ZNF609: variants seen among roughly 807,000 people sequenced by gnomAD.
The protein encoded by ZNF609 is zinc finger protein 609.
ZNF609 carries 11 observed loss-of-function variants against 109.5 expected under a neutral mutation model. That is an observed-to-expected ratio of 0.10 (90% CI 0.06 to 0.17). ZNF609 has a LOEUF of 0.17. ZNF609 is among the 10% of genes least tolerant of loss of function. The probability of loss-of-function intolerance (pLI) is 1.00; values close to 1 mark genes in which losing one functional copy is unlikely to be tolerated. For synonymous variants in ZNF609, 646 were observed against 662.0 expected, an observed-to-expected ratio of 0.98 and a Z score of 0.37; for missense variants, 1,559 against 1,772.4, an observed-to-expected ratio of 0.88 and a Z score of 2.16.
chr15:64,627,583 G>A (rs550776117), intron 3 of ZNF609, among the ~76,000 whole-genome samples: 96 of 151,704 alleles, frequency 6.3e-4, no homozygotes, highest in African/African-American at 2.2e-3. Flanking sequence ...TAATTTTCTG[G>A]GCCTTAGTTA....
At chr15:64,464,827 G>T (rs1289854588) in intron 1 of ZNF609, among the ~76,000 whole-genome samples, 1 of 152,206 alleles carries the variant, frequency 6.6e-6, no homozygotes, top group African/African-American at 2.4e-5. Flanking sequence ...CTGTGTAGCT[G>T]AAGAGGGATT....
chr15:64,633,972 T>G (rs964087855), intron 3 of ZNF609, among the ~76,000 whole-genome samples: 2 of 152,212 alleles, frequency 1.3e-5, no homozygotes, highest in African/African-American at 4.8e-5. Context: ...ATGTTTAATT[T>G]TATTTAATTT....
rs917760997 is a variant in ZNF609 at position 64,540,554 on chromosome 15, G to A, written c.747+40388G>A. Among the ~76,000 whole-genome samples the A allele has an allele frequency of 4.0e-5, 6 of 151,882 alleles. No individual in the cohort carries two copies. In the East Asian group the frequency reaches 1.2e-3, roughly 30 times the overall value. On this transcript the variant is annotated intron_variant, in intron 2 of 9. Transcript: ENST00000326648. Reference sequence around the variant, plus strand: ...CAAGTAGCTGGGACTACAGGTGCGTGCCACTGTGCCCAGCTAATTTTTGTA... The same window carrying A: ...CAAGTAGCTGGGACTACAGGTGCGTACCACTGTGCCCAGCTAATTTTTGTA...
At chr15:64,566,331 A>G (rs1595720622) in intron 2 of ZNF609, among the ~76,000 whole-genome samples, 1 of 152,216 alleles carries the variant, frequency 6.6e-6, no homozygotes, top group African/African-American at 2.4e-5. Flanking sequence ...CCTTGTCTCT[A>G]AAATGAATGA....
At position 64,500,127 on chromosome 15, in the gene ZNF609, G is replaced by A. The variant is rs1355511942; in HGVS notation, c.708G>A (p.Glu236=). The change falls in exon 2 of 10, where the codon GAG becomes GAA. Residue 236 remains glutamate (E), a synonymous_variant. Transcript: ENST00000326648. ...CTAAACCGGAGCCAGAGGAAGGGGA[G>A]AATGAGTGTCGCCTGCTAAAGAAAG... is the stretch of plus-strand genomic sequence containing the variant. ...LGTKPEPEEG[E]NECRLLKKVK... The A allele has an allele frequency of 1.2e-6, 2 of 1,613,906 alleles. No individual in the cohort carries two copies. The highest frequency in any genetic ancestry group is 3.3e-5 in the Admixed American group (2 of 60,008).
chr15:64,467,991 G>A (rs956106048), intron 1 of ZNF609, among the ~76,000 whole-genome samples: 12 of 150,180 alleles, frequency 8.0e-5, no homozygotes, highest in African/African-American at 2.9e-4. Flanking sequence ...AGAGTGTTAT[G>A]TTTTCTTTAC....
intron 2 of ZNF609, among the ~76,000 whole-genome samples, chr15:64,612,627 C>CTTTTTTTTTTTTTTTTTATTTTTTTTT (rs1895735400): frequency 7.6e-6 from 1 of 132,278 alleles, no homozygotes; most frequent in Non-Finnish European, 1.6e-5. Flanking sequence ...CCAGGAGCCT[C>CTTTTTTTTTTTTTTTTTATTTTTTTTT]TTTTTTTTTT....
intron 3 of ZNF609, among the ~76,000 whole-genome samples, chr15:64,628,572 G>C (rs1387712048): frequency 1.3e-5 from 2 of 152,112 alleles, no homozygotes; most frequent in Non-Finnish European, 2.9e-5. Flanking sequence ...CCAGGAGGCA[G>C]AGGTTGCAAT....
chr15:64,663,400 A>T (rs1896606672), intron 3 of ZNF609, among the ~76,000 whole-genome samples: 1 of 152,132 alleles, frequency 6.6e-6, no homozygotes, highest in African/African-American at 2.4e-5. Flanking sequence ...ATTCAGAGCA[A>T]GTTGTTTTTG....
chr15:64,557,748 G>C (rs1053044757), intron 2 of ZNF609, among the ~76,000 whole-genome samples: 1 of 152,176 alleles, frequency 6.6e-6, no homozygotes, highest in Non-Finnish European at 1.5e-5. Context: ...CCAGGCTGGA[G>C]TGCAGTGGCG....
At chr15:64,672,488 G>A (rs1253913367) in intron 4 of ZNF609, among the ~76,000 whole-genome samples, 47 of 150,612 alleles carry the variant, frequency 3.1e-4, no homozygotes, top group African/African-American at 1.1e-3. Context: ...AGCTGGGCAT[G>A]GTGGCTCATG....
At chr15:64,590,715 G>C (rs1895278959) in intron 2 of ZNF609, among the ~76,000 whole-genome samples, 1 of 151,680 alleles carries the variant, frequency 6.6e-6, no homozygotes, top group African/African-American at 2.4e-5. Flanking sequence ...TGGGTTTAGA[G>C]TAGTCATGTA....
At position 64,675,012 on chromosome 15, in the gene ZNF609, G is replaced by C; in HGVS notation, c.2158G>C (p.Ala720Pro). The change falls in exon 5 of 10, where the codon GCC becomes CCC. Residue 720 changes from alanine to proline, a missense_variant. Around this residue, in one of 4 missense-constraint regions of ZNF609, gnomAD observed 1,204 missense variants for 1,314.1 expected, o/e 0.92. Coordinates refer to ENST00000326648, the MANE Select transcript of ZNF609 (RefSeq NM_015042.2). Reference protein sequence around the residue: ...VMGEPFTVNPALTPAKDKKKK... With the variant: ...VMGEPFTVNPPLTPAKDKKKK... Reference sequence around the variant, plus strand: ...GGGAGAACCTTTCACAGTCAACCCTGCCTTGACTCCAGCCAAGGACAAGAA... The same window carrying C: ...GGGAGAACCTTTCACAGTCAACCCTCCCTTGACTCCAGCCAAGGACAAGAA... 2 of 1,613,950 alleles carry C rather than the reference G, an allele frequency of 1.2e-6. No homozygotes were observed. The highest frequency in any genetic ancestry group is 2.2e-5 in the East Asian group (1 of 44,882).
chr15:64,625,836 C>T (rs1490981026), intron 3 of ZNF609, among the ~76,000 whole-genome samples: 2 of 134,218 alleles, frequency 1.5e-5, no homozygotes, highest in African/African-American at 2.8e-5. Context: ...TTGAAGTGAG[C>T]CAAGATTGCA....
At chr15:64,645,533 T>A (rs1201502276) in intron 3 of ZNF609, among the ~76,000 whole-genome samples, 3 of 152,146 alleles carry the variant, frequency 2.0e-5, no homozygotes, top group Non-Finnish European at 4.4e-5. Flanking sequence ...AAAGAAAAAT[T>A]AGATAAATTG....
chr15:64,637,391 A>G (rs552135248), intron 3 of ZNF609, among the ~76,000 whole-genome samples: 38 of 152,310 alleles, frequency 2.5e-4, no homozygotes, highest in Non-Finnish European at 1.3e-4. Flanking sequence ...ACATATTCCT[A>G]TCTATCTATA....
At chr15:64,623,850 C>T (rs1895913595) in intron 3 of ZNF609, among the ~76,000 whole-genome samples, 1 of 152,170 alleles carries the variant, frequency 6.6e-6, no homozygotes, top group African/African-American at 2.4e-5. Context: ...AATCCAAATC[C>T]TTGTCAGAGT....
chr15:64,595,131 A>T (rs1461458412), intron 2 of ZNF609, among the ~76,000 whole-genome samples: 1 of 151,444 alleles, frequency 6.6e-6, no homozygotes, highest in Non-Finnish European at 1.5e-5. Flanking sequence ...AGGCTAAGAC[A>T]GGTGGATCAC....
chr15:64,512,968 G>T (rs985675063), intron 2 of ZNF609, among the ~76,000 whole-genome samples: 4 of 151,988 alleles, frequency 2.6e-5, no homozygotes, highest in Non-Finnish European at 5.9e-5. Flanking sequence ...AAACATTGTG[G>T]TATGTCAAAT....
Sources: allele counts gnomAD v4.1 joint callset (sites outside exome capture counted in the v4.1 genomes callset), GRCh38; gene constraint gnomAD v4.1.1; regional missense constraint gnomAD v4.1.1; transcripts MANE v1.5; gene names NCBI Gene and HGNC (gene_info 2026-07-23, HGNC 2026-07-21).